ARHGAP32: variants seen among roughly 807,000 people sequenced by gnomAD.
ARHGAP32 encodes rho GTPase-activating protein 32.
ARHGAP32 carries 51 observed loss-of-function variants against 186.5 expected under a neutral mutation model. The ratio of observed to expected loss-of-function variants is 0.27; its 90% CI spans 0.22 to 0.35. ARHGAP32 has a LOEUF of 0.35. ARHGAP32 is among the 10% of genes least tolerant of loss of function. The pLI is 1.00. For synonymous variants in ARHGAP32, 950 were observed against 964.3 expected, an observed-to-expected ratio of 0.99 and a Z score of 0.27; for missense variants, 2,186 against 2,623.5, an observed-to-expected ratio of 0.83 and a Z score of 3.64.
chr11:129,251,655 G>A (rs551672819), intron 1 of ARHGAP32, among the ~76,000 whole-genome samples: 23 of 152,082 alleles, frequency 1.5e-4, no homozygotes, highest in African/African-American at 4.3e-4. Flanking sequence ...CCAGCCCAGC[G>A]CGGTGGCTCA....
At chr11:129,085,728 G>T (rs1941368216) in intron 6 of ARHGAP32, among the ~76,000 whole-genome samples, 1 of 152,136 alleles carries the variant, frequency 6.6e-6, no homozygotes, top group Non-Finnish European at 1.5e-5. Context: ...ACTAGGCTGG[G>T]TGCGGTGGCT....
At chr11:129,039,018 A>T (rs1464502425) in intron 11 of ARHGAP32, among the ~76,000 whole-genome samples, 1 of 152,220 alleles carries the variant, frequency 6.6e-6, no homozygotes, top group African/African-American at 2.4e-5. Flanking sequence ...CCAAAAACAA[A>T]ATGCAAGTCA....
intron 11 of ARHGAP32, among the ~76,000 whole-genome samples, chr11:129,018,299 C>T (rs1303854459): frequency 6.6e-6 from 1 of 151,864 alleles, no homozygotes; most frequent in African/African-American, 2.4e-5. Context: ...ATGTGAACTT[C>T]TAGTAAAGGA....
At chr11:129,007,786 G>C (rs1408720215) in intron 11 of ARHGAP32, among the ~76,000 whole-genome samples, 1 of 152,138 alleles carries the variant, frequency 6.6e-6, no homozygotes, top group African/African-American at 2.4e-5. Context: ...TCAGCATTAA[G>C]ACTTGCCTAG....
chr11:129,108,965 T>C (rs780140948), intron 5 of ARHGAP32, among the ~76,000 whole-genome samples: 1 of 152,154 alleles, frequency 6.6e-6, no homozygotes, highest in African/African-American at 2.4e-5. Flanking sequence ...TACACATACA[T>C]GGTTGTTAAC....
At chr11:129,118,014 T>C (rs542511280) in intron 5 of ARHGAP32, among the ~76,000 whole-genome samples, 2 of 152,174 alleles carry the variant, frequency 1.3e-5, no homozygotes, top group African/African-American at 4.8e-5. Context: ...AAGCCCCTTC[T>C]AGTAATTATT....
chr11:129,189,228 C>T (rs963905995), intron 1 of ARHGAP32, among the ~76,000 whole-genome samples: 1 of 152,162 alleles, frequency 6.6e-6, no homozygotes, highest in Non-Finnish European at 1.5e-5. Flanking sequence ...AAAGTCTTCA[C>T]TTTCAAAGTC....
At chr11:129,275,063 T>G (rs898176715) in intron 1 of ARHGAP32, among the ~76,000 whole-genome samples, 1 of 152,208 alleles carries the variant, frequency 6.6e-6, no homozygotes, top group Non-Finnish European at 1.5e-5. Context: ...AGTCAGCAAG[T>G]GATTAATAAA....
chr11:129,184,960 GAGA>G (rs1944129259), intron 1 of ARHGAP32, among the ~76,000 whole-genome samples: 2 of 152,160 alleles, frequency 1.3e-5, no homozygotes, highest in Non-Finnish European at 2.9e-5. Context: ...ATGTGATACA[GAGA>G]AGAAGCAACA....
chr11:129,133,651 C>T (rs374690181), intron 2 of ARHGAP32, among the ~76,000 whole-genome samples: 1 of 152,152 alleles, frequency 6.6e-6, no homozygotes, highest in Admixed American at 6.5e-5. Context: ...CAGAAATCTG[C>T]ATCAAGTGAC....
At chr11:129,148,181 C>T (rs1347858569) in intron 2 of ARHGAP32, among the ~76,000 whole-genome samples, 1 of 152,122 alleles carries the variant, frequency 6.6e-6, no homozygotes, top group Non-Finnish European at 1.5e-5. Context: ...ATCTTTTGCT[C>T]CAAGAACCAC....
At chr11:129,106,003 G>T (rs1942037724) in intron 5 of ARHGAP32, among the ~76,000 whole-genome samples, 1 of 152,058 alleles carries the variant, frequency 6.6e-6, no homozygotes, top group Admixed American at 6.6e-5. Context: ...GTTAAAATCT[G>T]ACTAGACAAA....
chr11:129,115,007 G>A (rs1189956557), intron 5 of ARHGAP32, among the ~76,000 whole-genome samples: 1 of 152,086 alleles, frequency 6.6e-6, no homozygotes, highest in African/African-American at 2.4e-5. Context: ...TCAACGGATT[G>A]CAAATGGAAC....
At chr11:129,088,732 A>C (rs941349888) in intron 6 of ARHGAP32, among the ~76,000 whole-genome samples, 1 of 152,066 alleles carries the variant, frequency 6.6e-6, no homozygotes, top group Non-Finnish European at 1.5e-5. Flanking sequence ...TTAATTTGCT[A>C]ATTTTTCATC....
intron 2 of ARHGAP32, among the ~76,000 whole-genome samples, chr11:129,134,122 G>A (rs922046831): frequency 1.3e-4 from 19 of 151,748 alleles, no homozygotes; most frequent in African/African-American, 4.1e-4. Flanking sequence ...CGATCAAACA[G>A]ATCATCCCAA....
At chr11:129,015,194 G>A (rs1427670927) in intron 11 of ARHGAP32, among the ~76,000 whole-genome samples, 1 of 152,102 alleles carries the variant, frequency 6.6e-6, no homozygotes, top group Non-Finnish European at 1.5e-5. Context: ...AAGCCTACTG[G>A]CTTAATGCTT....
intron 11 of ARHGAP32, among the ~76,000 whole-genome samples, chr11:129,008,719 T>C (rs961741286): frequency 1.3e-5 from 2 of 152,242 alleles, no homozygotes; most frequent in Non-Finnish European, 2.9e-5. Flanking sequence ...CAATATAATG[T>C]TGATGCTATC....
intron 5 of ARHGAP32, among the ~76,000 whole-genome samples, chr11:129,108,674 G>A (rs143326078): frequency 2.6e-5 from 4 of 152,140 alleles, no homozygotes; most frequent in Admixed American, 6.5e-5. Flanking sequence ...ATATTTTGTT[G>A]TTGAGTTGTA....
intron 11 of ARHGAP32, among the ~76,000 whole-genome samples, chr11:129,029,306 T>C (rs916096044): frequency 2.0e-5 from 3 of 152,196 alleles, no homozygotes; most frequent in Admixed American, 6.5e-5. Context: ...CAAGGTTCTA[T>C]AGTGGGCAGA....
Sources: allele counts gnomAD v4.1 joint callset (sites outside exome capture counted in the v4.1 genomes callset), GRCh38; gene constraint gnomAD v4.1.1; transcripts MANE v1.5; gene names NCBI Gene and HGNC (gene_info 2026-07-23, HGNC 2026-07-21).